The following MORC1 variants were observed in gnomAD, a reference collection of about 807,000 sequenced individuals.
The protein encoded by MORC1 is MORC family CW-type zinc finger protein 1.
A neutral mutation model predicts 134.9 loss-of-function variants in MORC1; 59 were observed. The ratio of observed to expected loss-of-function variants is 0.44; its 90% CI spans 0.35 to 0.54. MORC1 has a LOEUF of 0.54. Among genes scored for constraint, MORC1 ranks in the 20% least tolerant of loss-of-function variants. The pLI, the probability that MORC1 is intolerant of heterozygous loss-of-function variation, is 0.00. For missense variants in MORC1, 947 were observed against 1,134.5 expected, an observed-to-expected ratio of 0.83 and a Z score of 2.37; for synonymous variants, 395 against 391.7, an observed-to-expected ratio of 1.01 and a Z score of -0.10.
At chr3:109,082,491 AG>A (rs1417036169) in intron 8 of MORC1, among the ~76,000 whole-genome samples, 4 of 152,212 alleles carry the variant, frequency 2.6e-5, no homozygotes, top group African/African-American at 9.6e-5. Context: ...TCTCGGATAA[AG>A]AATTAAAAAT....
At chr3:108,988,373 C>A (rs189943366) in intron 21 of MORC1, among the ~76,000 whole-genome samples, 1 of 152,032 alleles carries the variant, frequency 6.6e-6, no homozygotes, top group Non-Finnish European at 1.5e-5. Context: ...TAAATAAGTT[C>A]CTGCCCCAGG....
rs199712379 is a variant in MORC1 at position 108,984,706 on chromosome 3, G to A, written c.2324+10C>T. 56 of 1,585,314 alleles carry A rather than the reference G, an allele frequency of 3.5e-5. No individual in the cohort carries two copies. The African/African-American group carries it at 6.5e-4, about 18-fold the overall frequency. On this transcript the variant is annotated intron_variant, in intron 23 of 27. Transcript: ENST00000232603. The stretch of plus-strand genomic sequence containing the variant: ...CTCACTTGGAATTTGTATAACTGTA[G>A]TACACTCACCTTTTCCAGCTAGGTA...
chr3:109,037,349 C>T (rs1192080246), intron 14 of MORC1, among the ~76,000 whole-genome samples: 1 of 152,216 alleles, frequency 6.6e-6, no homozygotes, highest in Non-Finnish European at 1.5e-5. Context: ...TCATCTCATA[C>T]TCTTCTTCTC....
chr3:109,084,146 G>A (rs1270948734), intron 8 of MORC1, among the ~76,000 whole-genome samples: 1 of 152,096 alleles, frequency 6.6e-6, no homozygotes, highest in Non-Finnish European at 1.5e-5. Context: ...AATACTGAAA[G>A]TTCTGGTCAT....
chr3:109,091,813 T>C (rs1950735797), intron 8 of MORC1, among the ~76,000 whole-genome samples: 1 of 152,180 alleles, frequency 6.6e-6, no homozygotes, highest in Admixed American at 6.5e-5. Flanking sequence ...GAAAATCCAG[T>C]GTGATCTATG....
chr3:109,079,418 C>T (rs1950484894), intron 8 of MORC1, among the ~76,000 whole-genome samples: 1 of 151,922 alleles, frequency 6.6e-6, no homozygotes, highest in Admixed American at 6.6e-5. Context: ...TAGAATACAG[C>T]TATTATGCAG....
At chr3:109,098,835 T>A (rs1314988924) in intron 6 of MORC1, among the ~76,000 whole-genome samples, 1 of 152,184 alleles carries the variant, frequency 6.6e-6, no homozygotes, top group Admixed American at 6.5e-5. Flanking sequence ...CAGAGAGTAG[T>A]TCCTCAACAT....
intron 25 of MORC1, among the ~76,000 whole-genome samples, chr3:108,971,064 G>A (rs1448944538): frequency 2.0e-5 from 3 of 152,134 alleles, no homozygotes; most frequent in Non-Finnish European, 4.4e-5. Context: ...TGTTTTTGGT[G>A]GGGGAGAGAG....
intron 24 of MORC1, among the ~76,000 whole-genome samples, chr3:108,972,724 C>T (rs1947424184): frequency 6.6e-6 from 1 of 152,126 alleles, no homozygotes; most frequent in Non-Finnish European, 1.5e-5. Flanking sequence ...GGGTGAGAGA[C>T]CTTTTACACA....
chr3:109,024,532 C>A (rs1949030164), intron 17 of MORC1, among the ~76,000 whole-genome samples: 1 of 152,168 alleles, frequency 6.6e-6, no homozygotes. Context: ...ACCTGGTCAA[C>A]CTTTCATTTT....
chr3:109,072,213 T>C (rs1376104199), intron 8 of MORC1, among the ~76,000 whole-genome samples: 1 of 152,206 alleles, frequency 6.6e-6, no homozygotes, highest in African/African-American at 2.4e-5. Context: ...TCTCATCTCT[T>C]GTCTTCAGCC....
At chr3:109,105,055 C>G (rs1434716342) in intron 3 of MORC1, among the ~76,000 whole-genome samples, 1 of 152,144 alleles carries the variant, frequency 6.6e-6, no homozygotes, top group Non-Finnish European at 1.5e-5. Context: ...AGATTCATTT[C>G]CAGCACATTT....
chr3:109,095,225 T>C (rs1014916027), intron 6 of MORC1, among the ~76,000 whole-genome samples, 157 bp from the exon 7 acceptor site: 1 of 152,196 alleles, frequency 6.6e-6, no homozygotes, highest in Non-Finnish European at 1.5e-5. Context: ...AAGAGACACA[T>C]AACAAATGTG....
chr3:109,052,846 G>A (rs1018923607), intron 14 of MORC1, among the ~76,000 whole-genome samples: 1 of 152,058 alleles, frequency 6.6e-6, no homozygotes, highest in African/African-American at 2.4e-5. Flanking sequence ...TATAGAATGG[G>A]AGAAAATATT....
In MORC1 at chr3:109,093,533, G is replaced by T; in HGVS notation, c.592C>A (p.Leu198Met). The T allele has an allele frequency of 6.2e-7, 1 of 1,610,100 alleles. No homozygotes were observed. Among genetic ancestry groups the T allele is most frequent in the East Asian group, 2.2e-5 (1 of 44,856 alleles). The part of the protein sequence containing the change: ...DVIYGKCGTL[L>M]VIYNLKLLLN... Reference sequence around the variant, plus strand: ...AGAAGCTTCAAGTTATAAATAACCAGCAAAGTACCTGGTAGAAAAATAGAT... The same window carrying T: ...AGAAGCTTCAAGTTATAAATAACCATCAAAGTACCTGGTAGAAAAATAGAT... Residue 198 changes from leucine (L) to methionine (M), a missense_variant, in exon 8 of 28, where the codon CTG becomes ATG. By Grantham distance (15) the Leu-to-Met change is conservative (BLOSUM62 2). Transcript: ENST00000232603.
rs1397101061 is a variant in MORC1 at position 109,114,428 on chromosome 3, G to A, written c.75C>T (p.His25=). 1.2e-6 allele frequency: 2 copies of A among 1,613,020 alleles called. No homozygotes were observed. Among genetic ancestry groups the A allele is most frequent in the African/African-American group, 1.3e-5 (1 of 74,898 alleles). ...CAGCCAGTGCTCCAAAAAGGAAACT[G>A]TGAGTGGTGCTGATGAAGAAATAAA... The part of the protein sequence containing the change: ...LDFIHANSTT[H]SFLFGALAEL... The change falls in exon 2 of 28, where the codon CAC becomes CAT. Residue 25 remains histidine, a synonymous_variant. Coordinates refer to ENST00000232603, the MANE Select transcript of MORC1 (RefSeq NM_014429.4).
intron 14 of MORC1, among the ~76,000 whole-genome samples, chr3:109,049,431 G>GA (rs1949769465): frequency 6.6e-6 from 1 of 152,146 alleles, no homozygotes; most frequent in Non-Finnish European, 1.5e-5. Flanking sequence ...GCCAGGGTCT[G>GA]ATTTTCCTGT....
At chr3:109,003,247 CA>C (rs927764224) in intron 20 of MORC1, among the ~76,000 whole-genome samples, 7 of 143,754 alleles carry the variant, frequency 4.9e-5, no homozygotes, top group Admixed American at 2.1e-4. Context: ...CTGAATGGCA[CA>C]CAGTAAAATT....
At chr3:109,029,998 GAATGAGCATATAT>G (rs1949203538) in intron 16 of MORC1, among the ~76,000 whole-genome samples, 1 of 152,102 alleles carries the variant, frequency 6.6e-6, no homozygotes, top group Non-Finnish European at 1.5e-5. Context: ...TATAAAAATG[GAATGAGCATATAT>G]AATTGCAAAG....
Sources: gnomAD v4.1 joint callset for allele counts (sites outside exome capture counted in the v4.1 genomes callset) on GRCh38, gnomAD v4.1.1 for gene constraint, MANE v1.5 for transcripts, NCBI Gene and HGNC (gene_info 2026-07-23, HGNC 2026-07-21) for gene names.